ITGA9: variants seen among roughly 807,000 people sequenced by gnomAD.
ITGA9 encodes integrin alpha-9.
ITGA9 carries 56 observed loss-of-function variants against 127.8 expected under a neutral mutation model. The ratio of observed to expected loss-of-function variants is 0.44; its 90% CI spans 0.35 to 0.55. The LOEUF is 0.55. Among genes scored for constraint, ITGA9 ranks in the 20% least tolerant of loss-of-function variants. ITGA9 has a pLI of 0.00. For missense variants in ITGA9, 1,196 were observed against 1,347.1 expected (o/e 0.89, Z 1.76); for synonymous variants, 508 against 514.5 (o/e 0.99, Z 0.17).
intron 18 of ITGA9, among the ~76,000 whole-genome samples, chr3:37,701,631 G>A (rs555056269): frequency 7.2e-5 from 11 of 152,332 alleles, no homozygotes; most frequent in South Asian, 4.1e-4. Context: ...CAGGGGCAGA[G>A]CAGTTTTATG....
At chr3:37,588,895 G>A (rs915316224) in intron 15 of ITGA9, among the ~76,000 whole-genome samples, 6 of 152,164 alleles carry the variant, frequency 3.9e-5, no homozygotes, top group Non-Finnish European at 8.8e-5. Flanking sequence ...CATCATCCTC[G>A]TGGCATTCTG....
At chr3:37,559,971 C>T (rs1428259177) in intron 15 of ITGA9, among the ~76,000 whole-genome samples, 2 of 151,940 alleles carry the variant, frequency 1.3e-5, no homozygotes, top group African/African-American at 4.8e-5. Flanking sequence ...TAAAATTATG[C>T]TTTAACTTCT....
chr3:37,677,321 C>G (rs765173356), intron 17 of ITGA9, among the ~76,000 whole-genome samples: 6 of 152,144 alleles, frequency 3.9e-5, no homozygotes, highest in Non-Finnish European at 5.9e-5. Flanking sequence ...TAATTTTAAA[C>G]TCTGAAAATT....
intron 15 of ITGA9, among the ~76,000 whole-genome samples, chr3:37,544,336 G>A (rs1267268156): frequency 6.6e-6 from 1 of 152,154 alleles, no homozygotes; most frequent in Admixed American, 6.5e-5. Flanking sequence ...GATATCTAGG[G>A]TTGCCAGACT....
chr3:37,772,471 G>A (rs932393744), intron 23 of ITGA9, among the ~76,000 whole-genome samples: 1 of 152,040 alleles, frequency 6.6e-6, no homozygotes, highest in Non-Finnish European at 1.5e-5. Flanking sequence ...TGTGAGGACT[G>A]AATGTTAATG....
chr3:37,605,989 G>C (rs553688979), intron 15 of ITGA9, among the ~76,000 whole-genome samples: 1 of 152,154 alleles, frequency 6.6e-6, no homozygotes, highest in Non-Finnish European at 1.5e-5. Flanking sequence ...ATGCCAGAGG[G>C]AGACCCACGA....
intron 26 of ITGA9, among the ~76,000 whole-genome samples, chr3:37,797,309 T>A (rs1697185423): frequency 6.6e-6 from 1 of 152,102 alleles, no homozygotes; most frequent in African/African-American, 2.4e-5. Flanking sequence ...AAGCCAAGAT[T>A]GTACCACTTC....
intron 17 of ITGA9, among the ~76,000 whole-genome samples, chr3:37,680,604 TG>T: frequency 6.6e-6 from 1 of 152,338 alleles, no homozygotes; most frequent in South Asian, 2.1e-4. Context: ...TAAACTGGAA[TG>T]AGGAGGCAGC....
chr3:37,785,172 C>A, intron 26 of ITGA9, 94 bp downstream of exon 26: 2 of 896,378 alleles, frequency 2.2e-6, no homozygotes, highest in Non-Finnish European at 3.7e-6. Context: ...TCAAGACAGT[C>A]TCTGAGCCAA....
At chr3:37,567,132 A>T (rs1436435188) in intron 15 of ITGA9, among the ~76,000 whole-genome samples, 1 of 152,264 alleles carries the variant, frequency 6.6e-6, no homozygotes, top group African/African-American at 2.4e-5. Context: ...AAGAGGTTTA[A>T]TGAACGCACA....
chr3:37,783,167 A>AT (rs1197236880), intron 25 of ITGA9, among the ~76,000 whole-genome samples: 1 of 151,502 alleles, frequency 6.6e-6, no homozygotes, highest in Admixed American at 6.6e-5. Flanking sequence ...TAGGATTCGG[A>AT]TTTTTTTGGA....
chr3:37,526,851 T>G (rs1334934307), intron 13 of ITGA9, among the ~76,000 whole-genome samples: 3 of 152,240 alleles, frequency 2.0e-5, no homozygotes, highest in African/African-American at 4.8e-5. Flanking sequence ...AGATCCTTCT[T>G]ATTCAGCGGT....
chr3:37,608,479 T>C (rs1699989091), intron 15 of ITGA9, among the ~76,000 whole-genome samples: 1 of 152,232 alleles, frequency 6.6e-6, no homozygotes, highest in Admixed American at 6.5e-5. Context: ...TCTTTGGTTG[T>C]AGTTTTATAA....
intron 16 of ITGA9, among the ~76,000 whole-genome samples, chr3:37,653,066 TG>T (rs1406308397): frequency 6.6e-6 from 1 of 152,224 alleles, no homozygotes; most frequent in Non-Finnish European, 1.5e-5. Flanking sequence ...CAGTAAGGGC[TG>T]GGTGGGGCTT....
chr3:37,589,736 G>T (rs893572583), intron 15 of ITGA9, among the ~76,000 whole-genome samples: 13 of 152,228 alleles, frequency 8.5e-5, no homozygotes. Context: ...TCCAGGGACA[G>T]TCAGGAGGCC....
chr3:37,736,991 G>T lies in ITGA9; in HGVS notation c.2234+8G>T, dbSNP rs200735233. 6.3e-6 allele frequency: 10 copies of T among 1,585,050 alleles called. No homozygotes were observed. Among genetic ancestry groups the T allele is most frequent in the Non-Finnish European group, 7.8e-6 (9 of 1,154,080 alleles). ...CATTGTTACTGCTCAGAGGTAAGGG[G>T]GGGGTTTAAACACTTTTTTCAAAGA... On this transcript the variant is annotated splice_region_variant and intron_variant, in intron 20 of 27. Transcript: ENST00000264741.
At chr3:37,508,130 A>G (rs147892278) in intron 7 of ITGA9, among the ~76,000 whole-genome samples, 16 of 152,252 alleles carry the variant, frequency 1.1e-4, no homozygotes, top group African/African-American at 3.9e-4. Context: ...ACTCATCTCC[A>G]CCTATCCCTT....
At chr3:37,581,503 G>C (rs1699709492) in intron 15 of ITGA9, among the ~76,000 whole-genome samples, 1 of 152,210 alleles carries the variant, frequency 6.6e-6, no homozygotes, top group Non-Finnish European at 1.5e-5. Context: ...GAGAATGCGT[G>C]TTCTTAGGCC....
intron 23 of ITGA9, 120 bp downstream of exon 23, chr3:37,750,689 C>T (rs1473569188): frequency 1.3e-6 from 1 of 762,330 alleles, no homozygotes; most frequent in African/African-American, 1.7e-5. Flanking sequence ...TCATTCTACC[C>T]TTTGGAGACA....
Sources: allele counts gnomAD v4.1 joint callset (sites outside exome capture counted in the v4.1 genomes callset), GRCh38; gene constraint gnomAD v4.1.1; transcripts MANE v1.5; gene names NCBI Gene and HGNC (gene_info 2026-07-23, HGNC 2026-07-21).